RASGRF2: variants seen among roughly 807,000 people sequenced by gnomAD.
RASGRF2 encodes ras-specific guanine nucleotide-releasing factor 2.
RASGRF2 carries 76 observed loss-of-function variants against 151.0 expected under a neutral mutation model. That is an observed-to-expected ratio of 0.50 (90% CI 0.42 to 0.61). The LOEUF is 0.61. Ranked by LOEUF, RASGRF2 falls within the 20% of genes least tolerant of loss-of-function variation. RASGRF2 has a pLI of 0.00. For synonymous variants in RASGRF2, 504 were observed against 566.5 expected (o/e 0.89, Z 1.57); for missense variants, 1,148 against 1,564.6 (o/e 0.73, Z 4.49).
At chr5:81,055,961 G>A (rs1425910119) in intron 2 of RASGRF2, among the ~76,000 whole-genome samples, 2 of 151,970 alleles carry the variant, frequency 1.3e-5, no homozygotes, top group Non-Finnish European at 2.9e-5. Context: ...GTATTTCTGT[G>A]GGATCAGTGA....
intron 12 of RASGRF2, among the ~76,000 whole-genome samples, chr5:81,101,066 C>T (rs1265061090): frequency 6.6e-6 from 1 of 152,172 alleles, no homozygotes; most frequent in Non-Finnish European, 1.5e-5. Context: ...AGATCCCATC[C>T]CAGCCGTTAC....
At chr5:81,113,107 C>G (rs1378520378) in intron 14 of RASGRF2, among the ~76,000 whole-genome samples, 2 of 152,032 alleles carry the variant, frequency 1.3e-5, no homozygotes, top group Non-Finnish European at 2.9e-5. Flanking sequence ...TAAACGAACT[C>G]CATTGCTTTC....
At chr5:81,207,905 C>T (rs1455978407) in intron 21 of RASGRF2, among the ~76,000 whole-genome samples, 4 of 152,198 alleles carry the variant, frequency 2.6e-5, no homozygotes, top group South Asian at 2.1e-4. Flanking sequence ...TGGCAGGCAG[C>T]GCAGAGTGGA....
At chr5:81,025,230 G>A (rs567673571) in intron 1 of RASGRF2, among the ~76,000 whole-genome samples, 2 of 152,324 alleles carry the variant, frequency 1.3e-5, no homozygotes, top group South Asian at 2.1e-4. Flanking sequence ...GCTTTCTCAG[G>A]TGTGGCCAAC....
intron 1 of RASGRF2, among the ~76,000 whole-genome samples, chr5:81,039,636 C>T (rs567018625): frequency 6.6e-6 from 1 of 152,236 alleles, no homozygotes; most frequent in South Asian, 2.1e-4. Context: ...CATCTTTCAA[C>T]TTATGAACTA....
chr5:81,120,194 A>C (rs1753268051), intron 15 of RASGRF2, among the ~76,000 whole-genome samples: 1 of 152,174 alleles, frequency 6.6e-6, no homozygotes, highest in African/African-American at 2.4e-5. Flanking sequence ...GCTGTCCTCT[A>C]ATTTCTTTTT....
chr5:81,141,435 G>A (rs1175141680), intron 17 of RASGRF2, among the ~76,000 whole-genome samples: 1 of 152,202 alleles, frequency 6.6e-6, no homozygotes, highest in East Asian at 1.9e-4. Flanking sequence ...TTCATCTCAC[G>A]TTATAGATTC....
intron 8 of RASGRF2, among the ~76,000 whole-genome samples, chr5:81,086,579 G>A (rs1752234232): frequency 6.6e-6 from 1 of 152,144 alleles, no homozygotes; most frequent in South Asian, 2.1e-4. Context: ...TTGCTTTCCT[G>A]TTGCACTTAG....
At chr5:81,157,423 G>A (rs1394398534) in intron 17 of RASGRF2, among the ~76,000 whole-genome samples, 1 of 150,788 alleles carries the variant, frequency 6.6e-6, no homozygotes, top group African/African-American at 2.4e-5. Context: ...GTCCTATAAA[G>A]TACCAAACAT....
At chr5:81,180,360 C>A in intron 18 of RASGRF2, 79 bp downstream of exon 18, 1 of 850,830 alleles carries the variant, frequency 1.2e-6, no homozygotes, top group Non-Finnish European at 2.0e-6. Flanking sequence ...ATGTAAAACA[C>A]CTCCCTACTC....
intron 18 of RASGRF2, among the ~76,000 whole-genome samples, chr5:81,188,148 G>A (rs941123256): frequency 4.6e-5 from 7 of 152,084 alleles, no homozygotes; most frequent in Non-Finnish European, 7.4e-5. Flanking sequence ...TCATCCATCC[G>A]GGCTCGTGTC....
intron 5 of RASGRF2, among the ~76,000 whole-genome samples, chr5:81,075,872 G>A (rs1480282722): frequency 1.3e-5 from 2 of 152,138 alleles, no homozygotes; most frequent in African/African-American, 4.8e-5. Flanking sequence ...AGTCTGAATG[G>A]TATTACCAAG....
Position 80,968,857 on chromosome 5 carries a change from A to T in RASGRF2, c.288+7831A>T, listed in dbSNP as rs567259777. Among the ~76,000 whole-genome samples the T allele has an allele frequency of 1.1e-3, 161 of 150,352 alleles. 1 individual carries two copies. Among genetic ancestry groups the T allele is most frequent in the Non-Finnish European group, 2.1e-3 (139 of 67,456 alleles). ...TGCCACCACACCCAGCTAATTATTT[A>T]TTTTTTTTTGGAGATGGGGTCTCCC... On this transcript the variant is annotated intron_variant, in intron 1 of 26. Coordinates refer to ENST00000265080, the MANE Select transcript of RASGRF2 (RefSeq NM_006909.3).
At chr5:81,022,549 A>G (rs776655035) in intron 1 of RASGRF2, among the ~76,000 whole-genome samples, 3 of 152,176 alleles carry the variant, frequency 2.0e-5, no homozygotes, top group Non-Finnish European at 4.4e-5. Context: ...CAGCTTTGTC[A>G]TCAGTGCCTT....
In RASGRF2 at chr5:81,097,657, G is replaced by A. The variant is rs552835841; in HGVS notation, c.1755+2665G>A. 1.7e-4 allele frequency among the ~76,000 whole-genome samples: 26 copies of A among 152,262 alleles called. 1 individual carries two copies. In the East Asian group the frequency reaches 3.9e-3, roughly 23 times the overall value. ...GGCTGTAGTAGGTGATGGAGATACC[G>A]TGTGAATATGTGATGCCATGTGAGA... On this transcript the variant is annotated intron_variant, in intron 12 of 26. Transcript: ENST00000265080.
chr5:81,061,161 T>C (rs948830013), intron 2 of RASGRF2, among the ~76,000 whole-genome samples: 4 of 152,216 alleles, frequency 2.6e-5, no homozygotes, highest in African/African-American at 9.6e-5. Flanking sequence ...GAAGATATAT[T>C]ATTACTTATT....
intron 3 of RASGRF2, 39 bp downstream of exon 3, chr5:81,068,218 G>A (rs200069198): frequency 2.1e-5 from 33 of 1,585,102 alleles, no homozygotes; most frequent in African/African-American, 9.5e-5. Flanking sequence ...ATTGTTTCAC[G>A]TTTACCGTCA....
At chr5:81,139,744 A>G (rs1453995005) in intron 17 of RASGRF2, among the ~76,000 whole-genome samples, 2 of 152,006 alleles carry the variant, frequency 1.3e-5, no homozygotes, top group African/African-American at 2.4e-5. Context: ...AATGATATAA[A>G]CATACAATCA....
chr5:81,154,471 C>G (rs1482886358), intron 17 of RASGRF2, among the ~76,000 whole-genome samples: 1 of 152,126 alleles, frequency 6.6e-6, no homozygotes, highest in Non-Finnish European at 1.5e-5. Flanking sequence ...CTCAAGCGAT[C>G]CTCCCGCTTT....
Sources: allele counts gnomAD v4.1 joint callset (sites outside exome capture counted in the v4.1 genomes callset), GRCh38; gene constraint gnomAD v4.1.1; transcripts MANE v1.5; gene names NCBI Gene and HGNC (gene_info 2026-07-23, HGNC 2026-07-21).